Variants in CPEB3 observed in about 807,000 individuals in gnomAD.
CPEB3 encodes cytoplasmic polyadenylation element-binding protein 3.
Under a neutral mutation model 67.2 loss-of-function variants are expected in CPEB3, and 20 were observed. That is an observed-to-expected ratio of 0.30 (90% confidence interval 0.21 to 0.43). CPEB3 has a LOEUF of 0.43. CPEB3 is among the 20% of genes least tolerant of loss of function. CPEB3 has a pLI of 1.00. For synonymous variants in CPEB3, 376 were observed against 393.1 expected (o/e 0.96, Z 0.51); for missense variants, 746 against 968.6 (o/e 0.77, Z 3.05).
chr10:92,241,885 G>A, intron 1 of CPEB3, among the ~76,000 whole-genome samples: 1 of 152,128 alleles, frequency 6.6e-6, no homozygotes, highest in Middle Eastern at 3.2e-3. Context: ...TTGCAACAAA[G>A]TTATTAATAA....
intron 4 of CPEB3, among the ~76,000 whole-genome samples, chr10:92,150,169 G>A (rs1166878799): frequency 1.3e-5 from 2 of 152,098 alleles, no homozygotes; most frequent in East Asian, 1.9e-4. Context: ...ATCATACTAC[G>A]TAGGATTATT....
At chr10:92,216,548 A>G (rs1198587672) in intron 2 of CPEB3, 5 of 1,612,394 alleles carry the variant, frequency 3.1e-6, no homozygotes, top group South Asian at 2.2e-5. Flanking sequence ...ATTTGTCAAC[A>G]AAGGAGAAAA....
Position 92,285,560 on chromosome 10 carries a change from C to T in CPEB3, c.-12+5366G>A, listed in dbSNP as rs140019782. ...TGCTGGGATTACAGGCATGAGCCAC[C>T]GTGCTCAGCCAGAATTTAAGTTTCT... is the stretch of plus-strand genomic sequence containing the variant. On this transcript the variant is annotated intron_variant, in intron 1 of 9. Transcript: ENST00000265997. 6.3e-3 allele frequency among the ~76,000 whole-genome samples: 961 copies of T among 152,280 alleles called. 4 individuals are homozygous for T. Among genetic ancestry groups the T allele is most frequent in the Non-Finnish European group, 0.01 (702 of 68,016 alleles).
At chr10:92,058,870 C>T (rs1056238089) in intron 9 of CPEB3, among the ~76,000 whole-genome samples, 9 of 152,102 alleles carry the variant, frequency 5.9e-5, no homozygotes, top group Non-Finnish European at 2.9e-5. Context: ...ACAGAATACA[C>T]GTTCTTTTCC....
At chr10:92,254,751 T>A (rs1413868577) in intron 1 of CPEB3, among the ~76,000 whole-genome samples, 1 of 152,138 alleles carries the variant, frequency 6.6e-6, no homozygotes, top group African/African-American at 2.4e-5. Flanking sequence ...CTTGATCTCC[T>A]TGGCTCAAGA....
intron 1 of CPEB3, among the ~76,000 whole-genome samples, chr10:92,264,897 G>C (rs1852982308): frequency 6.6e-6 from 1 of 152,078 alleles, no homozygotes; most frequent in Admixed American, 6.6e-5. Flanking sequence ...TCGGGCATGT[G>C]GCTCAATCCT....
chr10:92,129,035 G>A (rs1222374875), intron 6 of CPEB3, among the ~76,000 whole-genome samples: 1 of 152,206 alleles, frequency 6.6e-6, no homozygotes, highest in East Asian at 1.9e-4. Context: ...AAAGACACAT[G>A]CACATGTGTG....
chr10:92,141,800 CG>C (rs1400253445), intron 6 of CPEB3, among the ~76,000 whole-genome samples: 1 of 149,654 alleles, frequency 6.7e-6, no homozygotes, highest in Non-Finnish European at 1.5e-5. Context: ...AGGCGGATCA[CG>C]AGGTCAGGAG....
chr10:92,102,851 T>C (rs560643369), intron 7 of CPEB3, among the ~76,000 whole-genome samples: 8 of 152,326 alleles, frequency 5.3e-5, no homozygotes, highest in Middle Eastern at 6.8e-3. Flanking sequence ...CTATTTTAAC[T>C]TTCAGGTTTT....
rs1848803162 is a variant in CPEB3, at chr10:92,188,420, A to T, written c.1165+4057T>A. On this transcript the variant is annotated intron_variant, in intron 3 of 9. Coordinates refer to ENST00000265997, the MANE Select transcript of CPEB3 (RefSeq NM_014912.5). ...GTTTGGGATCTTTAAAAAGCAAAAAATAAATAAATAAATTAGTCCGGCTGG... is the reference window on the plus strand; with the variant it reads ...GTTTGGGATCTTTAAAAAGCAAAAATTAAATAAATAAATTAGTCCGGCTGG... Among the ~76,000 whole-genome samples the T allele has an allele frequency of 5.3e-5, 8 of 151,720 alleles. No homozygotes were observed. In the South Asian group the frequency reaches 1.7e-3, roughly 32 times the overall value.
At chr10:92,103,400 A>G (rs1318155642) in intron 7 of CPEB3, among the ~76,000 whole-genome samples, 1 of 152,222 alleles carries the variant, frequency 6.6e-6, no homozygotes, top group East Asian at 1.9e-4. Context: ...ACCACACCAT[A>G]TGCTCTAAAA....
intron 6 of CPEB3, among the ~76,000 whole-genome samples, chr10:92,123,088 C>T (rs181341423): frequency 6.6e-6 from 1 of 152,288 alleles, no homozygotes; most frequent in East Asian, 1.9e-4. Flanking sequence ...GAAAACAAGC[C>T]GGCAGCGTAG....
At chr10:92,149,855 C>T (rs1846876495) in intron 4 of CPEB3, among the ~76,000 whole-genome samples, 1 of 152,144 alleles carries the variant, frequency 6.6e-6, no homozygotes, top group Non-Finnish European at 1.5e-5. Context: ...CCCAGTGATT[C>T]CTATGCTCAA....
intron 9 of CPEB3, among the ~76,000 whole-genome samples, chr10:92,054,823 T>G (rs1486610467): frequency 6.6e-6 from 1 of 152,148 alleles, no homozygotes; most frequent in Non-Finnish European, 1.5e-5. Context: ...AATCCCACAG[T>G]TGGATATTGT....
At chr10:92,183,661 C>T (rs1590326956) in intron 3 of CPEB3, among the ~76,000 whole-genome samples, 1 of 152,168 alleles carries the variant, frequency 6.6e-6, no homozygotes, top group African/African-American at 2.4e-5. Flanking sequence ...AAAAGCCCAT[C>T]AAGACTTCAA....
chr10:92,290,585 C>G (rs938820769), intron 1 of CPEB3, among the ~76,000 whole-genome samples: 4 of 152,180 alleles, frequency 2.6e-5, no homozygotes, highest in Non-Finnish European at 5.9e-5. Context: ...AACTCCCCAG[C>G]CCCAAACACA....
chr10:92,097,753 T>C (rs897427834), intron 7 of CPEB3, among the ~76,000 whole-genome samples: 62 of 152,286 alleles, frequency 4.1e-4, no homozygotes, highest in Non-Finnish European at 8.4e-4. Flanking sequence ...CATGGGTCCC[T>C]AGGGTTGGTC....
chr10:92,263,351 C>T (rs1252463412), intron 1 of CPEB3, among the ~76,000 whole-genome samples: 4 of 152,128 alleles, frequency 2.6e-5, no homozygotes, highest in Non-Finnish European at 5.9e-5. Context: ...GTTGGGATTA[C>T]GGGCCTCGTG....
chr10:92,207,440 A>G (rs555124807), intron 2 of CPEB3, among the ~76,000 whole-genome samples: 5 of 152,316 alleles, frequency 3.3e-5, no homozygotes, highest in African/African-American at 4.8e-5. Flanking sequence ...AATTGCCTGC[A>G]CTTTAATTTT....
Sources: gnomAD v4.1 joint callset for allele counts (sites outside exome capture counted in the v4.1 genomes callset) on GRCh38, gnomAD v4.1.1 for gene constraint, MANE v1.5 for transcripts, NCBI Gene and HGNC (gene_info 2026-07-23, HGNC 2026-07-21) for gene names.